SYNDIG1: variants seen among roughly 807,000 people sequenced by gnomAD.
SYNDIG1 encodes the protein synapse differentiation-inducing gene protein 1.
SYNDIG1 carries 9 observed loss-of-function variants against 19.4 expected under a neutral mutation model. The ratio of observed to expected loss-of-function variants is 0.46; its 90% confidence interval spans 0.28 to 0.81. SYNDIG1 has a LOEUF of 0.81. Ranked by LOEUF, SYNDIG1 falls within the 30% of genes least tolerant of loss-of-function variation. The probability of loss-of-function intolerance (pLI) is 0.12; values close to 1 mark genes in which losing one functional copy is unlikely to be tolerated. For missense variants in SYNDIG1, 311 were observed against 343.3 expected (o/e 0.91, Z 0.74); for synonymous variants, 141 against 145.9 (o/e 0.97, Z 0.24).
intron 1 of SYNDIG1, among the ~76,000 whole-genome samples, chr20:24,505,461 C>T (rs1290309651): frequency 6.6e-6 from 1 of 152,192 alleles, no homozygotes; most frequent in Non-Finnish European, 1.5e-5. Context: ...ATCTGCCCCC[C>T]TTACTCAACC....
rs143553433 is a variant in SYNDIG1 at position 24,473,399 on chromosome 20, G to T, written c.-79+3646G>T. On this transcript the variant is annotated intron_variant, in intron 1 of 3. Transcript: ENST00000376862. ...GACCAGGTCTCTAACCACGTCACCA[G>T]AATTAGAATAATGAAGTTGTCGGCA... Among the ~76,000 whole-genome samples, 83 of 152,278 alleles carry T rather than the reference G, an allele frequency of 5.5e-4. 1 individual carries two copies. Among genetic ancestry groups the T allele is most frequent in the Middle Eastern group, 3.4e-3 (1 of 294 alleles).
intron 3 of SYNDIG1, among the ~76,000 whole-genome samples, chr20:24,639,263 A>G (rs2059348105): frequency 6.6e-6 from 1 of 152,226 alleles, no homozygotes; most frequent in African/African-American, 2.4e-5. Flanking sequence ...ACATCTCAGC[A>G]GAGGCATGAA....
intron 1 of SYNDIG1, among the ~76,000 whole-genome samples, chr20:24,474,106 A>T (rs1046347663): frequency 3.3e-5 from 5 of 152,386 alleles, no homozygotes; most frequent in African/African-American, 1.2e-4. Context: ...TAGGAAAGGC[A>T]TGTGAGCAAT....
intron 2 of SYNDIG1, among the ~76,000 whole-genome samples, chr20:24,564,310 G>A (rs766121863): frequency 4.6e-5 from 7 of 152,168 alleles, no homozygotes; most frequent in Non-Finnish European, 8.8e-5. Flanking sequence ...CTACACAACA[G>A]GGGCAGAGTG....
At chr20:24,572,414 C>G (rs544175403) in intron 2 of SYNDIG1, among the ~76,000 whole-genome samples, 4 of 152,174 alleles carry the variant, frequency 2.6e-5, no homozygotes, top group African/African-American at 7.2e-5. Context: ...GCCACATCTT[C>G]GGCAGCTGGC....
chr20:24,636,419 C>A (rs1414979738), intron 3 of SYNDIG1, among the ~76,000 whole-genome samples: 2 of 152,212 alleles, frequency 1.3e-5, no homozygotes, highest in East Asian at 3.8e-4. Context: ...AGTGGGTCTT[C>A]TAGTCCATGG....
rs541430164 is a variant in SYNDIG1 at position 24,658,648 on chromosome 20, T to C, written c.619-6698T>C. On this transcript the variant is annotated intron_variant, in intron 3 of 3. Coordinates refer to ENST00000376862, the MANE Select transcript of SYNDIG1 (RefSeq NM_024893.3). The surrounding 1 kb of genome is among the most constrained non-coding windows in gnomAD (Gnocchi z 4.4). ...CCCCGGCGATTCACTGAATGTGAAA[T>C]AGATTCCCACGAGGCATGTGGGTGT... Among the ~76,000 whole-genome samples, 3 of 146,866 alleles carry C rather than the reference T, an allele frequency of 2.0e-5. No individual in the cohort carries two copies. The highest frequency in any genetic ancestry group is 7.6e-5 in the African/African-American group (3 of 39,672).
At chr20:24,480,194 C>T (rs2055758026) in intron 1 of SYNDIG1, among the ~76,000 whole-genome samples, 1 of 152,190 alleles carries the variant, frequency 6.6e-6, no homozygotes, top group Non-Finnish European at 1.5e-5. Context: ...CATCCCAGCA[C>T]TGGTGTGGCA....
intron 1 of SYNDIG1, among the ~76,000 whole-genome samples, chr20:24,470,262 C>T (rs1207604764): frequency 1.3e-5 from 2 of 152,164 alleles, no homozygotes; most frequent in African/African-American, 2.4e-5. Context: ...GAGCTGGGGA[C>T]CTAGGTCTGT....
At chr20:24,546,455 A>G (rs1034036848) in intron 2 of SYNDIG1, among the ~76,000 whole-genome samples, 1 of 152,154 alleles carries the variant, frequency 6.6e-6, no homozygotes, top group African/African-American at 2.4e-5. Flanking sequence ...GGGCTCACTC[A>G]CTTGTCCATA....
At chr20:24,486,026 C>G (rs1304303425) in intron 1 of SYNDIG1, among the ~76,000 whole-genome samples, 1 of 152,184 alleles carries the variant, frequency 6.6e-6, no homozygotes, top group Admixed American at 6.5e-5. Context: ...ACTCTTCCAC[C>G]CTCCAGGTGA....
chr20:24,484,164 A>G (rs993245787), intron 1 of SYNDIG1, among the ~76,000 whole-genome samples: 2 of 151,996 alleles, frequency 1.3e-5, no homozygotes, highest in African/African-American at 4.8e-5. Flanking sequence ...GATTGCCCCA[A>G]AATGTATAGC....
chr20:24,553,054 T>C (rs1238737217), intron 2 of SYNDIG1, among the ~76,000 whole-genome samples: 1 of 151,898 alleles, frequency 6.6e-6, no homozygotes, highest in Admixed American at 6.6e-5. Context: ...ATTTCTCTGA[T>C]GGCCAGTGAT....
chr20:24,583,783 C>T (rs1001426745), intron 2 of SYNDIG1, among the ~76,000 whole-genome samples: 4 of 152,112 alleles, frequency 2.6e-5, no homozygotes, highest in Admixed American at 1.3e-4. Context: ...ACTATGGAAT[C>T]GCAAACCACA....
intron 3 of SYNDIG1, among the ~76,000 whole-genome samples, chr20:24,639,463 G>T (rs889343321): frequency 6.6e-6 from 1 of 152,124 alleles, no homozygotes; most frequent in African/African-American, 2.4e-5. Flanking sequence ...ATTCTAAAAG[G>T]CATCTCGGCA....
intron 3 of SYNDIG1, among the ~76,000 whole-genome samples, chr20:24,638,483 G>T (rs563144954): frequency 6.6e-6 from 1 of 151,960 alleles, no homozygotes; most frequent in East Asian, 1.9e-4. Context: ...GCCCCTTCCC[G>T]AGACGCTGGG....
chr20:24,503,940 G>A (rs2056520610), intron 1 of SYNDIG1, among the ~76,000 whole-genome samples: 1 of 151,084 alleles, frequency 6.6e-6, no homozygotes, highest in African/African-American at 2.5e-5. Flanking sequence ...AGATCCGTGG[G>A]ATCCAGGGAG....
At chr20:24,648,272 ACTTTTC>A (rs796750172) in intron 3 of SYNDIG1, among the ~76,000 whole-genome samples, 6 of 152,328 alleles carry the variant, frequency 3.9e-5, no homozygotes, top group South Asian at 4.1e-4. Context: ...TGAAGTGGGC[ACTTTTC>A]CTTTTAAGAC....
At chr20:24,617,168 G>A (rs940460553) in intron 3 of SYNDIG1, among the ~76,000 whole-genome samples, 3 of 152,156 alleles carry the variant, frequency 2.0e-5, no homozygotes, top group African/African-American at 7.2e-5. Context: ...CTGTCCCCAG[G>A]GTTCTCCTGC....
Sources: gnomAD v4.1 joint callset for allele counts (sites outside exome capture counted in the v4.1 genomes callset) on GRCh38, gnomAD v4.1.1 for gene constraint, Gnocchi (gnomAD v3.1) non-coding constraint, MANE v1.5 for transcripts, NCBI Gene and HGNC (gene_info 2026-07-23, HGNC 2026-07-21) for gene names.